ACTN1: variants seen among roughly 807,000 people sequenced by gnomAD.
ACTN1 encodes the protein actinin alpha 1.
ACTN1 carries 30 observed loss-of-function variants against 119.6 expected under a neutral mutation model. The observed-to-expected ratio is 0.25, with a 90% CI of 0.19 to 0.34. The LOEUF (loss-of-function observed/expected upper bound fraction) is 0.34. Ranked by LOEUF, ACTN1 falls within the 10% of genes least tolerant of loss-of-function variation. The pLI is 1.00. For missense variants in ACTN1, 764 were observed against 1,223.4 expected (o/e 0.62, Z 5.60); for synonymous variants, 429 against 472.6 (o/e 0.91, Z 1.20).
chr14:68,944,278 G>A (rs900171638), intron 1 of ACTN1, among the ~76,000 whole-genome samples: 3 of 152,226 alleles, frequency 2.0e-5, no homozygotes, highest in Admixed American at 6.5e-5. Flanking sequence ...CCACCAAGCC[G>A]ATGATGTGTG....
In ACTN1 at chr14:68,882,935, T is replaced by C. The variant is rs767579148; in HGVS notation, c.1756A>G (p.Met586Val). 1.9e-6 allele frequency: 3 copies of C among 1,614,084 alleles called. No homozygotes were observed. The highest frequency in any genetic ancestry group is 1.3e-5 in the African/African-American group (1 of 74,922). The change falls in exon 15 of 22, where the codon ATG becomes GTG. Residue 586 changes from methionine to valine, a missense_variant. Met to Val is a conservative substitution (Grantham distance 21). This residue lies in a region of ACTN1 where 544 missense variants were observed against 912.0 expected (regional missense o/e 0.60). Transcript: ENST00000394419. The surrounding 1 kb of genome is among the most constrained non-coding windows in gnomAD (Gnocchi z 4.5). The stretch of plus-strand genomic sequence containing the variant: ...GTTGTGTAGGGGTTGGTGCCCGCCA[T>C]ATTGACGTGGTAGGTCTGGACAATC... ...SKIVQTYHVN[M>V]AGTNPYTTIT... is the part of the protein sequence containing the mutation.
intron 8 of ACTN1, among the ~76,000 whole-genome samples, chr14:68,897,321 C>A (rs1017458506): frequency 6.6e-6 from 1 of 151,914 alleles, no homozygotes; most frequent in African/African-American, 2.4e-5. Flanking sequence ...CTTTAAGCTG[C>A]GCTATTATAC....
In ACTN1 at chr14:68,885,529, G is replaced by C; in HGVS notation, c.1281C>G (p.Leu427=). The change falls in exon 12 of 22, where the codon CTC becomes CTG. Residue 427 remains leucine (L), a synonymous_variant. Coordinates refer to ENST00000394419, the MANE Select transcript of ACTN1 (RefSeq NM_001130004.2). The surrounding 1 kb of genome is among the most constrained non-coding windows in gnomAD (Gnocchi z 5.6). ...LRQKDYETAT[L]SEIKALLKKH... is the part of the protein sequence containing the mutation. ...TCTTGAGCAGGGCCTTGATCTCCGA[G>C]AGGGTGGCGGTCTCATAGTCCTTCT... The C allele has an allele frequency of 6.2e-7, 1 of 1,614,088 alleles. No homozygotes were observed. The highest frequency in any genetic ancestry group is 8.5e-7 in the Non-Finnish European group (1 of 1,180,024).
intron 1 of ACTN1, chr14:68,947,358 G>A (rs1006355088): frequency 1.3e-5 from 2 of 152,256 alleles, no homozygotes; most frequent in African/African-American, 4.8e-5. Context: ...CACTTAGGGA[G>A]CCTACCAGGT....
Position 68,903,511 on chromosome 14 carries a change from T to C in ACTN1, c.677-949A>G, listed in dbSNP as rs1594788037. On this transcript the variant is annotated intron_variant, in intron 7 of 21. Coordinates refer to ENST00000394419, the MANE Select transcript of ACTN1 (RefSeq NM_001130004.2). Reference sequence around the variant, plus strand: ...GAGATCGCACCACAGCACTCCAGCCTGGGTGACACAGGGAGACCCCGTCTC... The same window carrying C: ...GAGATCGCACCACAGCACTCCAGCCCGGGTGACACAGGGAGACCCCGTCTC... Among the ~76,000 whole-genome samples, 3 of 143,148 alleles carry C rather than the reference T, an allele frequency of 2.1e-5. No homozygotes were observed. In the South Asian group the frequency reaches 7.9e-4, roughly 38 times the overall value. 93.9% of individuals were successfully genotyped at this position (143,148 alleles called of 152,430 possible).
At position 68,880,102 on chromosome 14, in the gene ACTN1, G is replaced by A. The variant is rs913554480; in HGVS notation, c.2140C>T (p.Arg714Cys). ...GTGAGCAGCTGCTCCCAGCCCACAC[G>A]GATGTGCTGCAGGACGGCAAGGGGC... ...KHTNYTMEHI[R>C]VGWEQLLTTI... Residue 714 changes from arginine to cysteine, a missense_variant, in exon 18 of 22, where the codon CGT becomes TGT. Physicochemically the swap from Arg to Cys is radical, Grantham distance 180. Coordinates refer to ENST00000394419, the MANE Select transcript of ACTN1 (RefSeq NM_001130004.2). The surrounding 1 kb of genome is among the most constrained non-coding windows in gnomAD (Gnocchi z 4.6). 6.2e-7 allele frequency: 1 copy of A among 1,613,936 alleles called. No homozygotes were observed. The highest frequency in any genetic ancestry group is 8.5e-7 in the Non-Finnish European group (1 of 1,179,922).
chr14:68,968,016 C>T (rs971654899), intron 1 of ACTN1, among the ~76,000 whole-genome samples: 1 of 152,156 alleles, frequency 6.6e-6, no homozygotes, highest in African/African-American at 2.4e-5. Context: ...AATAAAAGCA[C>T]AACTACTACC....
chr14:68,970,370 C>G (rs915918203), intron 1 of ACTN1, among the ~76,000 whole-genome samples: 1 of 152,188 alleles, frequency 6.6e-6, no homozygotes, highest in Non-Finnish European at 1.5e-5. Context: ...TCCCCCACTC[C>G]CTCATCAACT....
rs555555151 is a variant in ACTN1 at position 68,932,655 on chromosome 14, G to A, written c.106-6983C>T. On this transcript the variant is annotated intron_variant, in intron 1 of 21. Transcript: ENST00000394419. ...GTGCTGGTTACAGGCGTGAGCCACT[G>A]CACCTGGTCTAGACCTGTTAGAAGA... is the stretch of plus-strand genomic sequence containing the variant. Among the ~76,000 whole-genome samples the A allele has an allele frequency of 4.9e-3, 744 of 151,328 alleles. 7 individuals are homozygous for A. Among genetic ancestry groups the A allele is most frequent in the African/African-American group, 0.017 (680 of 41,204 alleles).
chr14:68,912,845 TGAAGAG>T (rs1406052382), intron 3 of ACTN1, among the ~76,000 whole-genome samples: 2 of 152,116 alleles, frequency 1.3e-5, no homozygotes, highest in African/African-American at 4.8e-5. Context: ...CCCAGCCTGA[TGAAGAG>T]GGGAGGATTT....
rs1377411333 is a variant in ACTN1, at chr14:68,904,728, T to A, written c.603A>T (p.Pro201=). 6.2e-7 allele frequency: 1 copy of A among 1,613,378 alleles called. No individual in the cohort carries two copies. Among genetic ancestry groups the A allele is most frequent in the African/African-American group, 1.3e-5 (1 of 74,866 alleles). The change falls in exon 7 of 22, where the codon CCA becomes CCT. Residue 201 remains proline (P), a synonymous_variant. Coordinates refer to ENST00000394419, the MANE Select transcript of ACTN1 (RefSeq NM_001130004.2). ...IDYGKLRKDD[P]LTNLNTAFDV... is the part of the protein sequence containing the mutation. ...CAAAAGCCGTATTCAGATTTGTGAG[T>A]GGATCATCCTAGAGGGAGAAAAGGA... is the stretch of plus-strand genomic sequence containing the variant.
intron 1 of ACTN1, among the ~76,000 whole-genome samples, chr14:68,957,976 G>A (rs1594871823): frequency 6.6e-6 from 1 of 152,210 alleles, no homozygotes; most frequent in Non-Finnish European, 1.5e-5. Context: ...AGGAACTTGA[G>A]GAACGTGGTC....
chr14:68,948,488 G>A (rs1326375799), intron 1 of ACTN1, among the ~76,000 whole-genome samples: 2 of 152,150 alleles, frequency 1.3e-5, no homozygotes, highest in Non-Finnish European at 2.9e-5. Context: ...TGAGGCAGGA[G>A]AATGGCTTGA....
intron 10 of ACTN1, among the ~76,000 whole-genome samples, chr14:68,890,850 C>T (rs1335144406): frequency 6.6e-6 from 1 of 152,208 alleles, no homozygotes; most frequent in Non-Finnish European, 1.5e-5. Flanking sequence ...CCCCTTCAGA[C>T]AGGGCCATGC....
intron 1 of ACTN1, among the ~76,000 whole-genome samples, chr14:68,952,374 T>C (rs2036198218): frequency 6.6e-6 from 1 of 152,176 alleles, no homozygotes; most frequent in Admixed American, 6.5e-5. Flanking sequence ...GGCAGGGAGT[T>C]CTGGGGCACA....
intron 1 of ACTN1, among the ~76,000 whole-genome samples, chr14:68,965,748 G>A (rs548275975): frequency 6.6e-6 from 1 of 152,276 alleles, no homozygotes; most frequent in African/African-American, 2.4e-5. Flanking sequence ...TGGCTTCTGG[G>A]TCTGTCTATA....
At chr14:68,966,234 C>A (rs1373417268) in intron 1 of ACTN1, among the ~76,000 whole-genome samples, 1 of 152,098 alleles carries the variant, frequency 6.6e-6, no homozygotes, top group African/African-American at 2.4e-5. Context: ...AAAAAAGTAA[C>A]TAATTTTGTT....
In ACTN1 at chr14:68,878,601, G is replaced by T; in HGVS notation, c.2362-78C>A. ...GGAAGGGCCGGCCCGGGGCCAGGAA[G>T]ACAGGAACAGATGGCCAGAACGGGG... On this transcript the variant is annotated intron_variant, in intron 19 of 21. Coordinates refer to ENST00000394419, the MANE Select transcript of ACTN1 (RefSeq NM_001130004.2). The surrounding 1 kb of genome is among the most constrained non-coding windows in gnomAD (Gnocchi z 4.4). 6.3e-7 allele frequency: 1 copy of T among 1,596,492 alleles called. No homozygotes were observed. Among genetic ancestry groups the T allele is most frequent in the Non-Finnish European group, 8.5e-7 (1 of 1,171,516 alleles).
Position 68,874,984 on chromosome 14 carries a change from G to A in ACTN1, c.2620C>T (p.Leu874=). ...CAGTACTCAGCCTGGTCGGGTGGCA[G>A]CTCGCGGCGCAGCTCGTCCATGGTA... The part of the protein sequence containing the change: ...YITMDELRRE[L]PPDQAEYCIA... Residue 874 remains leucine, a synonymous_variant, in exon 22 of 22, where the codon CTG becomes TTG. Coordinates refer to ENST00000394419, the MANE Select transcript of ACTN1 (RefSeq NM_001130004.2). The A allele has an allele frequency of 6.2e-7, 1 of 1,613,746 alleles. No individual in the cohort carries two copies.
Sources: allele counts gnomAD v4.1 joint callset (sites outside exome capture counted in the v4.1 genomes callset), GRCh38; gene constraint gnomAD v4.1.1; regional missense constraint gnomAD v4.1.1; non-coding constraint Gnocchi (gnomAD v3.1); transcripts MANE v1.5; gene names NCBI Gene and HGNC (gene_info 2026-07-23, HGNC 2026-07-21).